KLF8: variants seen among roughly 807,000 people sequenced by gnomAD.
KLF8 encodes the protein KLF transcription factor 8, also known as Krueppel-like factor 8.
In KLF8, 10 loss-of-function variants were observed where a neutral mutation model predicts 18.2. The observed-to-expected ratio is 0.55, with a 90% CI of 0.34 to 0.93. The LOEUF (loss-of-function observed/expected upper bound fraction) is 0.93, where lower values mean the gene tolerates loss of function less well. Ranked by LOEUF, KLF8 falls within the 40% of genes least tolerant of loss-of-function variation. KLF8 has a pLI of 0.02. For missense variants in KLF8, 264 were observed against 277.9 expected, an observed-to-expected ratio of 0.95 and a Z score of 0.36; for synonymous variants, 109 against 97.3, an observed-to-expected ratio of 1.12 and a Z score of -0.71.
At chrX:56,248,541 T>C (rs1289805621) in intron 1 of KLF8, among the ~76,000 whole-genome samples, 1 of 111,784 alleles carries the variant, frequency 8.9e-6, no homozygotes, top group East Asian at 2.8e-4. Context: ...GAAGAACAGA[T>C]TGGAGTTGGC....
At chrX:55,975,320 G>A in the KLF8 span, among the ~76,000 whole-genome samples, 30 of 111,549 alleles carry the variant, frequency 2.7e-4, no homozygotes, top group Non-Finnish European at 5.3e-4. Context: ...ATGCAAATGT[G>A]GTGAACAAGG....
chrX:56,189,314 C>T, the KLF8 span, among the ~76,000 whole-genome samples: 2 of 112,111 alleles, frequency 1.8e-5, no homozygotes, highest in African/African-American at 6.5e-5. Context: ...GTCAAAACCA[C>T]AGTGAGATAT....
At chrX:56,050,726 G>A in the KLF8 span, among the ~76,000 whole-genome samples, 3 of 112,104 alleles carry the variant, frequency 2.7e-5, no homozygotes, top group African/African-American at 9.7e-5. Context: ...GTGTGGTACT[G>A]AAAAAAATGT....
chrX:56,031,083 T>A, the KLF8 span, among the ~76,000 whole-genome samples: 2 of 110,845 alleles, frequency 1.8e-5, no homozygotes, highest in African/African-American at 3.3e-5. Context: ...AGTTCTAAGT[T>A]TTCCTGGAGT....
At chrX:56,253,927 A>ATT (rs780964789) in intron 2 of KLF8, among the ~76,000 whole-genome samples, 64 of 86,464 alleles carry the variant, frequency 7.4e-4, no homozygotes, top group African/African-American at 1.9e-3. Context: ...TGCCCAGCTA[A>ATT]TTTTTTTTTT....
chrX:55,959,399 C>A, the KLF8 span, among the ~76,000 whole-genome samples: 2 of 111,976 alleles, frequency 1.8e-5, no homozygotes, highest in Non-Finnish European at 3.8e-5. Flanking sequence ...AGCTCTCCAG[C>A]AATGGTTCTT....
At chrX:56,134,678 C>A in the KLF8 span, among the ~76,000 whole-genome samples, 1 of 111,376 alleles carries the variant, frequency 9.0e-6, no homozygotes, top group Non-Finnish European at 1.9e-5. Context: ...TAAAGAACTT[C>A]TGAAAAGCAA....
chrX:56,023,300 G>T, the KLF8 span, among the ~76,000 whole-genome samples: 2 of 111,848 alleles, frequency 1.8e-5, no homozygotes, highest in Non-Finnish European at 3.8e-5. Context: ...TGATAGATGT[G>T]AATCCTATTT....
the KLF8 span, among the ~76,000 whole-genome samples, chrX:56,026,798 A>T: frequency 1.8e-5 from 2 of 111,952 alleles, no homozygotes; most frequent in Admixed American, 9.4e-5. Flanking sequence ...GTGTCGGATA[A>T]GCCTCTACCC....
intron 1 of KLF8, among the ~76,000 whole-genome samples, chrX:56,237,418 T>TG: frequency 9.1e-6 from 1 of 110,123 alleles, no homozygotes; most frequent in Non-Finnish European, 1.9e-5. Flanking sequence ...TGTGTGTGTG[T>TG]TTGTGTGTGT....
chrX:56,041,501 C>T, the KLF8 span, among the ~76,000 whole-genome samples: 1 of 106,245 alleles, frequency 9.4e-6, no homozygotes, highest in Non-Finnish European at 1.9e-5. Context: ...AAAAACCTCT[C>T]CTGGATTCAT....
At chrX:55,954,804 A>G in the KLF8 span, among the ~76,000 whole-genome samples, 1 of 112,257 alleles carries the variant, frequency 8.9e-6, no homozygotes, top group Non-Finnish European at 1.9e-5. Flanking sequence ...CACCTGACAG[A>G]TGGTTAAACA....
At chrX:56,035,917 T>C in the KLF8 span, among the ~76,000 whole-genome samples, 2 of 111,758 alleles carry the variant, frequency 1.8e-5, no homozygotes, top group Non-Finnish European at 3.8e-5. Context: ...TCTCATAATG[T>C]AGATGGTATT....
At chrX:56,012,171 C>T in the KLF8 span, among the ~76,000 whole-genome samples, 1 of 111,926 alleles carries the variant, frequency 8.9e-6, no homozygotes, top group South Asian at 3.7e-4. Flanking sequence ...TTCAAGCCAA[C>T]ATTCCTGCTG....
At chrX:56,259,556 A>C (rs1347426658) in intron 2 of KLF8, among the ~76,000 whole-genome samples, 1 of 110,517 alleles carries the variant, frequency 9.0e-6, no homozygotes, top group African/African-American at 3.3e-5. Flanking sequence ...CTTCCATGAA[A>C]CATACATAGA....
the KLF8 span, among the ~76,000 whole-genome samples, chrX:55,983,480 T>A: frequency 8.9e-6 from 1 of 111,888 alleles, no homozygotes; most frequent in Non-Finnish European, 1.9e-5. Flanking sequence ...ATTCAAGAAT[T>A]ATACTTCATT....
chrX:56,168,941 C>T, the KLF8 span, among the ~76,000 whole-genome samples: 6 of 111,509 alleles, frequency 5.4e-5, no homozygotes, highest in Admixed American at 5.8e-4. Context: ...AAACTGAAGA[C>T]AACATATTTC....
chrX:55,944,672 T>C, the KLF8 span, among the ~76,000 whole-genome samples: 1 of 111,378 alleles, frequency 9.0e-6, no homozygotes, highest in Non-Finnish European at 1.9e-5. Flanking sequence ...GGTTCGGTGG[T>C]GATATCCCCT....
chrX:56,100,232 C>A, the KLF8 span, among the ~76,000 whole-genome samples: 2 of 111,003 alleles, frequency 1.8e-5, no homozygotes, highest in Non-Finnish European at 3.8e-5. Flanking sequence ...TGGATGACAA[C>A]ATATCTGTTT....
Sources: gnomAD v4.1 joint callset for allele counts (sites outside exome capture counted in the v4.1 genomes callset) on GRCh38, gnomAD v4.1.1 for gene constraint, MANE v1.5 for transcripts, NCBI Gene and HGNC (gene_info 2026-07-23, HGNC 2026-07-21) for gene names.